FMN2: variants seen among roughly 807,000 people sequenced by gnomAD.
FMN2 encodes formin-2.
Under a neutral mutation model 142.3 loss-of-function variants are expected in FMN2, and 51 were observed. The ratio of observed to expected loss-of-function variants is 0.36; its 90% CI spans 0.29 to 0.45. The LOEUF (loss-of-function observed/expected upper bound fraction) is 0.45. FMN2 is among the 20% of genes least tolerant of loss of function. FMN2 has a pLI of 1.00. For synonymous variants in FMN2, 882 were observed against 869.8 expected (o/e 1.01, Z -0.25); for missense variants, 1,936 against 2,122.8 (o/e 0.91, Z 1.73).
chr1:240,143,164 T>C, intron 2 of FMN2: 2 of 1,579,028 alleles, frequency 1.3e-6, no homozygotes, highest in African/African-American at 1.4e-5. Context: ...TGGCGCAACA[T>C]TGCAGCCAGA....
chr1:240,443,731 T>G (rs1675706054), intron 16 of FMN2, among the ~76,000 whole-genome samples: 1 of 152,048 alleles, frequency 6.6e-6, no homozygotes, highest in African/African-American at 2.4e-5. Context: ...CCAGCCTGGG[T>G]GACAGAGCAA....
At chr1:240,160,611 C>T (rs1352465265) in intron 2 of FMN2, among the ~76,000 whole-genome samples, 1 of 151,710 alleles carries the variant, frequency 6.6e-6, no homozygotes, top group East Asian at 1.9e-4. Flanking sequence ...AGAAAACTTG[C>T]TTACCCTGAT....
intron 6 of FMN2, among the ~76,000 whole-genome samples, chr1:240,213,694 G>T (rs1398743007): frequency 6.6e-6 from 1 of 152,182 alleles, no homozygotes; most frequent in African/African-American, 2.4e-5. Flanking sequence ...GTTTATGGAG[G>T]TATTTCAAGC....
intron 14 of FMN2, among the ~76,000 whole-genome samples, chr1:240,381,421 C>A (rs1673222560): frequency 6.6e-6 from 1 of 152,148 alleles, no homozygotes; most frequent in South Asian, 2.1e-4. Flanking sequence ...ATTTAAAAAA[C>A]CATATGATCA....
intron 6 of FMN2, among the ~76,000 whole-genome samples, chr1:240,225,579 G>A (rs767823622): frequency 6.6e-6 from 1 of 152,186 alleles, no homozygotes; most frequent in Non-Finnish European, 1.5e-5. Flanking sequence ...CTCTGGGGCA[G>A]GGAAGGGAAA....
chr1:240,109,043 CCCCAAAAAA>C (rs1029499416), intron 1 of FMN2, among the ~76,000 whole-genome samples: 12 of 152,118 alleles, frequency 7.9e-5, no homozygotes, highest in South Asian at 4.2e-4. Flanking sequence ...CTCAAAAACA[CCCCAAAAAA>C]CCCAAAAAAC....
chr1:240,442,810 G>A (rs574162273), intron 16 of FMN2, among the ~76,000 whole-genome samples: 11 of 152,192 alleles, frequency 7.2e-5, no homozygotes, highest in South Asian at 2.1e-4. Context: ...CATCCGTGTC[G>A]GATAGGGCTT....
chr1:240,262,717 G>A (rs920569327), intron 7 of FMN2, among the ~76,000 whole-genome samples: 4 of 149,732 alleles, frequency 2.7e-5, no homozygotes, highest in Admixed American at 2.7e-4. Flanking sequence ...GGATGTCATT[G>A]ATAATATTGC....
Position 240,208,356 on chromosome 1 carries a change from G to A in FMN2, c.3544G>A (p.Val1182Met). ...GIPPPPPLPG[V>M]GIPPPPPLPG... ...ACCCCCTCCGCCCCCTCTACCTGGAGTGGGAATACCTCCTCCGCCCCCTCT... is the reference window on the plus strand; with the variant it reads ...ACCCCCTCCGCCCCCTCTACCTGGAATGGGAATACCTCCTCCGCCCCCTCT... The change falls in exon 5 of 18, where the codon GTG becomes ATG. Residue 1182 changes from valine to methionine, a missense_variant. Physicochemically the swap from Val to Met is conservative, Grantham distance 21. Transcript: ENST00000319653. 6.5e-7 allele frequency: 1 copy of A among 1,533,892 alleles called. No individual in the cohort carries two copies. Among genetic ancestry groups the A allele is most frequent in the Non-Finnish European group, 8.8e-7 (1 of 1,134,882 alleles).
At chr1:240,286,521 G>A (rs1022892870) in intron 7 of FMN2, among the ~76,000 whole-genome samples, 6 of 152,158 alleles carry the variant, frequency 3.9e-5, no homozygotes, top group African/African-American at 1.4e-4. Context: ...CTCAGTGAAA[G>A]TTATGGTTTT....
chr1:240,300,674 GA>G (rs1223720222), intron 8 of FMN2, among the ~76,000 whole-genome samples: 5 of 152,078 alleles, frequency 3.3e-5, no homozygotes, highest in African/African-American at 1.2e-4. Flanking sequence ...TTCTTTCATT[GA>G]AAACTATTTC....
chr1:240,136,887 A>T (rs1426867343), intron 2 of FMN2, among the ~76,000 whole-genome samples: 1 of 151,998 alleles, frequency 6.6e-6, no homozygotes, highest in Non-Finnish European at 1.5e-5. Context: ...CCTGACCCAC[A>T]TGGTGAAACC....
intron 3 of FMN2, among the ~76,000 whole-genome samples, chr1:240,180,638 C>T (rs1665112916): frequency 6.8e-6 from 1 of 147,080 alleles, no homozygotes; most frequent in Non-Finnish European, 1.5e-5. Flanking sequence ...GCCATCTCGG[C>T]TCACTGCAAC....
At chr1:240,443,145 T>C (rs1225076286) in intron 16 of FMN2, among the ~76,000 whole-genome samples, 1 of 152,192 alleles carries the variant, frequency 6.6e-6, no homozygotes, top group Non-Finnish European at 1.5e-5. Flanking sequence ...AAAGTATTAT[T>C]GTGACTCAGT....
At chr1:240,470,273 G>A (rs1418589614) in intron 16 of FMN2, among the ~76,000 whole-genome samples, 2 of 151,528 alleles carry the variant, frequency 1.3e-5, no homozygotes, top group Non-Finnish European at 2.9e-5. Flanking sequence ...TTTACTGGTA[G>A]CTGTTTCAGA....
At chr1:240,365,483 T>TA (rs1672639173) in intron 14 of FMN2, among the ~76,000 whole-genome samples, 1 of 152,198 alleles carries the variant, frequency 6.6e-6, no homozygotes, top group African/African-American at 2.4e-5. Flanking sequence ...ATGTTTTAGA[T>TA]ACACACATAC....
chr1:240,464,164 G>A (rs953919560), intron 16 of FMN2, among the ~76,000 whole-genome samples: 2 of 152,150 alleles, frequency 1.3e-5, no homozygotes, highest in Non-Finnish European at 2.9e-5. Flanking sequence ...TGTGTGTGAT[G>A]ATTTGTATGT....
intron 6 of FMN2, among the ~76,000 whole-genome samples, chr1:240,215,552 G>A (rs1203168543): frequency 6.6e-6 from 1 of 152,094 alleles, no homozygotes; most frequent in African/African-American, 2.4e-5. Flanking sequence ...TTTATATGGA[G>A]ACCAGAATAT....
At chr1:240,121,559 T>G (rs1449158334) in intron 1 of FMN2, among the ~76,000 whole-genome samples, 2 of 150,572 alleles carry the variant, frequency 1.3e-5, no homozygotes, top group Admixed American at 1.3e-4. Context: ...TTGTTTTGTT[T>G]TTTGTATTTT....
Sources: gnomAD v4.1 joint callset for allele counts (sites outside exome capture counted in the v4.1 genomes callset) on GRCh38, gnomAD v4.1.1 for gene constraint, MANE v1.5 for transcripts, NCBI Gene and HGNC (gene_info 2026-07-23, HGNC 2026-07-21) for gene names.